Variants in BIN3 observed in about 807,000 individuals in gnomAD.
BIN3 encodes the protein bridging integrator 3.
A neutral mutation model predicts 38.2 loss-of-function variants in BIN3; 41 were observed. The observed-to-expected ratio is 1.07, with a 90% confidence interval of 0.84 to 1.39. The LOEUF is 1.39. BIN3 is among the 40% of genes most tolerant of loss of function. The pLI, the probability that BIN3 is intolerant of heterozygous loss-of-function variation, is 0.00. For missense variants in BIN3, 361 were observed against 324.3 expected, an observed-to-expected ratio of 1.11 and a Z score of -0.87; for synonymous variants, 145 against 122.6, an observed-to-expected ratio of 1.18 and a Z score of -1.21.
intron 1 of BIN3, among the ~76,000 whole-genome samples, chr8:22,650,701 G>A (rs7816531): frequency 0.018 from 2,750 of 152,148 alleles, 78 homozygotes; most frequent in African/African-American, 0.061. Flanking sequence ...ATTTACCTTT[G>A]CACATCTAAA....
intron 2 of BIN3, among the ~76,000 whole-genome samples, chr8:22,641,700 T>C (rs1802567779): frequency 6.6e-6 from 1 of 152,190 alleles, no homozygotes; most frequent in Admixed American, 6.5e-5. Context: ...AGAGGCTGCA[T>C]GTGGCCAGAC....
chr8:22,665,129 C>A (rs985189550), intron 1 of BIN3, among the ~76,000 whole-genome samples: 1 of 152,106 alleles, frequency 6.6e-6, no homozygotes, highest in African/African-American at 2.4e-5. Context: ...ACAGAAGAAA[C>A]CCAGCAAAGC....
At chr8:22,658,454 C>T (rs1194203089) in intron 1 of BIN3, among the ~76,000 whole-genome samples, 1 of 152,194 alleles carries the variant, frequency 6.6e-6, no homozygotes, top group Non-Finnish European at 1.5e-5. Context: ...AAAACCTTTC[C>T]AAAAAAGCCC....
At chr8:22,646,147 A>G (rs1802707985) in intron 1 of BIN3, among the ~76,000 whole-genome samples, 1 of 152,170 alleles carries the variant, frequency 6.6e-6, no homozygotes. Context: ...AGCTTCCTTG[A>G]GGCACTGAGC....
At chr8:22,631,235 T>G (rs1256392431) in intron 4 of BIN3, among the ~76,000 whole-genome samples, 1 of 152,126 alleles carries the variant, frequency 6.6e-6, no homozygotes, top group Non-Finnish European at 1.5e-5. Flanking sequence ...TAGGAAGAGA[T>G]ACGCTGGAAA....
At chr8:22,668,321 T>C (rs1164650539) in intron 1 of BIN3, among the ~76,000 whole-genome samples, 1 of 152,250 alleles carries the variant, frequency 6.6e-6, no homozygotes, top group Admixed American at 6.5e-5. Flanking sequence ...GTGTCTACTA[T>C]GACCCAAGTA....
intron 1 of BIN3, among the ~76,000 whole-genome samples, chr8:22,653,174 C>T (rs1452741157): frequency 3.9e-5 from 6 of 152,096 alleles, no homozygotes; most frequent in Non-Finnish European, 5.9e-5. Flanking sequence ...TGAAGGAGGG[C>T]GTATTTTGAA....
chr8:22,654,483 GC>G (rs1802997933), intron 1 of BIN3, among the ~76,000 whole-genome samples: 2 of 152,036 alleles, frequency 1.3e-5, no homozygotes, highest in Non-Finnish European at 2.9e-5. Flanking sequence ...ACACCTATTA[GC>G]AAACAACTCC....
At chr8:22,634,367 A>G (rs17088488) in intron 4 of BIN3, 141,870 of 401,202 alleles carry the variant, frequency 0.35, 26,193 homozygotes, top group Admixed American at 0.51. Context: ...AATTCATGGC[A>G]CAGACCAAGA....
In BIN3 at chr8:22,646,711, A is replaced by G. The variant is rs75405517; in HGVS notation, c.9-1908T>C. Among the ~76,000 whole-genome samples the G allele has an allele frequency of 3.2e-3, 490 of 152,380 alleles. 2 individuals carry two copies. Among genetic ancestry groups the G allele is most frequent in the African/African-American group, 0.011 (472 of 41,598 alleles). ...GGTAAGGTCTGGAAATGAAAAGGAA[A>G]GAAAAAATGAAATTGTTGCTTCCTT... On this transcript the variant is annotated intron_variant, in intron 1 of 8. Transcript: ENST00000276416.
intron 1 of BIN3, among the ~76,000 whole-genome samples, chr8:22,659,034 A>G (rs967288156): frequency 2.0e-5 from 3 of 152,220 alleles, no homozygotes; most frequent in African/African-American, 4.8e-5. Context: ...CCACAAGGCC[A>G]CCACCACCTT....
chr8:22,653,640 G>C (rs952332562), intron 1 of BIN3, among the ~76,000 whole-genome samples: 1 of 152,118 alleles, frequency 6.6e-6, no homozygotes. Context: ...AAAAAGCCTG[G>C]GCTACCCCAG....
At chr8:22,652,958 C>T (rs1055232003) in intron 1 of BIN3, among the ~76,000 whole-genome samples, 1 of 152,126 alleles carries the variant, frequency 6.6e-6, no homozygotes, top group Admixed American at 6.5e-5. Context: ...CGAAATTTTT[C>T]TACTACTGAT....
rs186379873 is a variant in BIN3 at position 22,655,375 on chromosome 8, C to T, written c.9-10572G>A. On this transcript the variant is annotated intron_variant, in intron 1 of 8. Transcript: ENST00000276416. Reference sequence around the variant, plus strand: ...ACAAATCCAAGGTCATGAAGATTTACTCTTGTCTTTTCTTCTAAGAGTTTT... The same window carrying T: ...ACAAATCCAAGGTCATGAAGATTTATTCTTGTCTTTTCTTCTAAGAGTTTT... Among the ~76,000 whole-genome samples the T allele has an allele frequency of 6.6e-5, 10 of 152,256 alleles. No individual in the cohort carries two copies. In the East Asian group the frequency reaches 1.7e-3, roughly 26 times the overall value.
At chr8:22,624,642 GGA>G in intron 6 of BIN3, 1 of 380,168 alleles carries the variant, frequency 2.6e-6, no homozygotes, top group East Asian at 5.0e-5. Flanking sequence ...GCAGATGAGA[GGA>G]GGTGGGGTTG....
At chr8:22,663,053 A>G (rs1408409261) in intron 1 of BIN3, among the ~76,000 whole-genome samples, 1 of 152,224 alleles carries the variant, frequency 6.6e-6, no homozygotes, top group African/African-American at 2.4e-5. Context: ...CGGGAAGTAG[A>G]GGTTGCAGTG....
At chr8:22,636,986 T>C in intron 2 of BIN3, 24 bp from the exon 3 acceptor site, 1 of 1,609,788 alleles carries the variant, frequency 6.2e-7, no homozygotes, top group Non-Finnish European at 8.5e-7. Flanking sequence ...GATAACTCAA[T>C]TATCGGAGAA....
intron 4 of BIN3, among the ~76,000 whole-genome samples, chr8:22,633,002 C>A (rs1585183472): frequency 1.3e-5 from 2 of 152,318 alleles, no homozygotes; most frequent in Non-Finnish European, 1.5e-5. Flanking sequence ...AGCCACTGCG[C>A]CCAGCCCAGC....
chr8:22,655,154 G>A (rs1202586202), intron 1 of BIN3, among the ~76,000 whole-genome samples: 1 of 152,160 alleles, frequency 6.6e-6, no homozygotes, highest in Non-Finnish European at 1.5e-5. Flanking sequence ...TATTATTGTT[G>A]TTGAGTTGTA....
Sources: allele counts gnomAD v4.1 joint callset (sites outside exome capture counted in the v4.1 genomes callset), GRCh38; gene constraint gnomAD v4.1.1; transcripts MANE v1.5; gene names NCBI Gene and HGNC (gene_info 2026-07-23, HGNC 2026-07-21).